The following NOS1AP variants were observed in gnomAD, a reference collection of about 807,000 sequenced individuals.
NOS1AP encodes the protein nitric oxide synthase 1 adaptor protein.
NOS1AP carries 21 observed loss-of-function variants against 56.2 expected under a neutral mutation model. That is an observed-to-expected ratio of 0.37 (90% CI 0.26 to 0.54). NOS1AP has a LOEUF of 0.54. NOS1AP is among the 20% of genes least tolerant of loss of function. The pLI is 0.84. For missense variants in NOS1AP, 522 were observed against 657.8 expected (o/e 0.79, Z 2.26); for synonymous variants, 270 against 274.6 (o/e 0.98, Z 0.17).
chr1:162,321,977 C>T (rs1331331716), intron 4 of NOS1AP, among the ~76,000 whole-genome samples: 2 of 151,994 alleles, frequency 1.3e-5, no homozygotes, highest in Non-Finnish European at 1.5e-5. Flanking sequence ...GTTTGGGTGA[C>T]GGGTTCAAAA....
chr1:162,086,107 G>T (rs1691994104), intron 1 of NOS1AP, among the ~76,000 whole-genome samples: 1 of 152,106 alleles, frequency 6.6e-6, no homozygotes, highest in Admixed American at 6.5e-5. Context: ...GCTGCGATGG[G>T]GCAGAGCTCA....
Position 162,343,932 on chromosome 1 carries a change from A to G in NOS1AP, c.551A>G (p.Glu184Gly). ...QHTQQNADGQ[E>G]DGESERNSNS... is the part of the protein sequence containing the mutation. The stretch of plus-strand genomic sequence containing the variant: ...ACGCAGCAGAATGCAGATGGCCAGG[A>G]AGATGGAGAGAGCGAGAGGAACAGC... The change falls in exon 6 of 10, where the codon GAA (glutamate) becomes GGA (glycine). Residue 184 changes from glutamate to glycine, a missense_variant. By Grantham distance (98) the Glu-to-Gly change is moderately conservative (BLOSUM62 -2). Around this residue, in one of 4 missense-constraint regions of NOS1AP, gnomAD observed 178 missense variants for 165.0 expected, o/e 1.08. Transcript: ENST00000361897. The G allele has an allele frequency of 6.2e-7, 1 of 1,614,168 alleles. No individual in the cohort carries two copies.
intron 2 of NOS1AP, among the ~76,000 whole-genome samples, chr1:162,166,490 T>A (rs1193138101): frequency 1.3e-5 from 2 of 152,222 alleles, no homozygotes; most frequent in African/African-American, 4.8e-5. Flanking sequence ...TCTTCAAACC[T>A]CAGCCCAACT....
chr1:162,280,467 G>A (rs762376334), intron 2 of NOS1AP, among the ~76,000 whole-genome samples: 1 of 152,172 alleles, frequency 6.6e-6, no homozygotes, highest in Non-Finnish European at 1.5e-5. Context: ...TTTCTGAATA[G>A]CATGGTCTAC....
chr1:162,110,675 A>G (rs1647676411), intron 1 of NOS1AP, among the ~76,000 whole-genome samples: 1 of 152,236 alleles, frequency 6.6e-6, no homozygotes, highest in Admixed American at 6.5e-5. Context: ...CCAAATGAGT[A>G]ACAATGATTT....
At chr1:162,352,928 ATCT>A (rs1291866085) in intron 6 of NOS1AP, among the ~76,000 whole-genome samples, 2 of 152,128 alleles carry the variant, frequency 1.3e-5, no homozygotes, top group Non-Finnish European at 2.9e-5. Flanking sequence ...AACTGAACTC[ATCT>A]TCTTACCTGC....
intron 2 of NOS1AP, among the ~76,000 whole-genome samples, chr1:162,185,178 C>T (rs1651389037): frequency 6.6e-6 from 1 of 152,194 alleles, no homozygotes; most frequent in South Asian, 2.1e-4. Flanking sequence ...TTTGAGGACT[C>T]TTGTGATTAC....
intron 2 of NOS1AP, among the ~76,000 whole-genome samples, chr1:162,222,642 A>G (rs1438399284): frequency 6.6e-6 from 1 of 152,226 alleles, no homozygotes; most frequent in Non-Finnish European, 1.5e-5. Flanking sequence ...CATAACCCAT[A>G]GAGGCACATG....
intron 2 of NOS1AP, among the ~76,000 whole-genome samples, chr1:162,217,266 G>GTTTTTTTTTTTTTTTTTTTTTTTTTTTTT (rs1557836281): frequency 5.5e-5 from 1 of 18,290 alleles, no homozygotes; most frequent in Non-Finnish European, 1.5e-4. Flanking sequence ...GCTGTTGTTA[G>GTTTTTTTTTTTTTTTTTTTTTTTTTTTTT]CTTTTTTTTT....
At chr1:162,212,665 A>T (rs1416895697) in intron 2 of NOS1AP, among the ~76,000 whole-genome samples, 1 of 152,146 alleles carries the variant, frequency 6.6e-6, no homozygotes, top group Non-Finnish European at 1.5e-5. Context: ...GAAGCCACAC[A>T]CTTTCCTGCC....
At chr1:162,307,101 T>A (rs1410683956) in intron 4 of NOS1AP, among the ~76,000 whole-genome samples, 1 of 152,224 alleles carries the variant, frequency 6.6e-6, no homozygotes, top group Non-Finnish European at 1.5e-5. Flanking sequence ...ATCTGCTTAT[T>A]CTACTCTTTC....
intron 4 of NOS1AP, among the ~76,000 whole-genome samples, chr1:162,318,662 A>C (rs180868): frequency 1 from 151,797 of 152,086 alleles, 75,757 homozygotes; most frequent in Non-Finnish European, 1. Context: ...CTTCTTCTTG[A>C]TCCTCAGGGG....
intron 2 of NOS1AP, among the ~76,000 whole-genome samples, chr1:162,162,221 A>G (rs2102111338): frequency 6.6e-6 from 1 of 152,330 alleles, no homozygotes; most frequent in East Asian, 1.9e-4. Flanking sequence ...TGTAAGGGTT[A>G]TGCCCTGAAG....
chr1:162,284,091 G>A (rs1051326928), intron 2 of NOS1AP, among the ~76,000 whole-genome samples: 1 of 152,202 alleles, frequency 6.6e-6, no homozygotes, highest in Non-Finnish European at 1.5e-5. Context: ...TGGGAAAAAG[G>A]AGGATTTGTC....
At chr1:162,222,100 T>A (rs1265231910) in intron 2 of NOS1AP, among the ~76,000 whole-genome samples, 7 of 152,254 alleles carry the variant, frequency 4.6e-5, no homozygotes, top group African/African-American at 1.7e-4. Flanking sequence ...TTTTTACAGT[T>A]CTTATTCCTA....
At chr1:162,243,301 G>A (rs966169698) in intron 2 of NOS1AP, among the ~76,000 whole-genome samples, 33 of 152,152 alleles carry the variant, frequency 2.2e-4, no homozygotes, top group African/African-American at 7.7e-4. Flanking sequence ...AGAAGCAGGT[G>A]AGGAAGGCAA....
chr1:162,358,821 T>A (rs1287479939), intron 8 of NOS1AP, among the ~76,000 whole-genome samples: 1 of 152,252 alleles, frequency 6.6e-6, no homozygotes, highest in Non-Finnish European at 1.5e-5. Context: ...ATATTCATGA[T>A]ATGATTTTAT....
At chr1:162,235,607 T>C (rs1245963058) in intron 2 of NOS1AP, among the ~76,000 whole-genome samples, 2 of 152,146 alleles carry the variant, frequency 1.3e-5, no homozygotes, top group Non-Finnish European at 2.9e-5. Flanking sequence ...AAAGCTTCAG[T>C]GGCCAGAATG....
At chr1:162,258,153 C>T (rs1210155091) in intron 2 of NOS1AP, among the ~76,000 whole-genome samples, 1 of 152,152 alleles carries the variant, frequency 6.6e-6, no homozygotes, top group Non-Finnish European at 1.5e-5. Flanking sequence ...TCAGCCCTCA[C>T]ATTCCCCTCC....
Sources: gnomAD v4.1 joint callset for allele counts (sites outside exome capture counted in the v4.1 genomes callset) on GRCh38, gnomAD v4.1.1 for gene constraint, gnomAD v4.1.1 regional missense constraint, MANE v1.5 for transcripts, NCBI Gene and HGNC (gene_info 2026-07-23, HGNC 2026-07-21) for gene names.